The following TUSC3 variants were observed in gnomAD, a reference collection of about 807,000 sequenced individuals.
TUSC3 encodes the protein dolichyl-diphosphooligosaccharide--protein glycosyltransferase subunit TUSC3.
A neutral mutation model predicts 44.8 loss-of-function variants in TUSC3; 45 were observed. The observed-to-expected ratio is 1.00, with a 90% CI of 0.79 to 1.29. The LOEUF is 1.29. TUSC3 is among the 50% of genes most tolerant of loss of function. The probability of loss-of-function intolerance (pLI) is 0.00; values close to 1 mark genes in which losing one functional copy is unlikely to be tolerated. For synonymous variants in TUSC3, 212 were observed against 152.9 expected (o/e 1.39, Z -2.85); for missense variants, 519 against 437.9 (o/e 1.19, Z -1.65).
At chr8:15,470,374 C>A (rs1436304451) in intron 1 of TUSC3, among the ~76,000 whole-genome samples, 1 of 151,960 alleles carries the variant, frequency 6.6e-6, no homozygotes, top group African/African-American at 2.4e-5. Flanking sequence ...ATAGTGGATG[C>A]CTTCCTTATA....
At chr8:15,841,520 T>A in the TUSC3 span, among the ~76,000 whole-genome samples, 22 of 145,726 alleles carry the variant, frequency 1.5e-4, no homozygotes, top group African/African-American at 4.0e-4. Flanking sequence ...TGAGACAAAA[T>A]TTTTTTTTTT....
intron 6 of TUSC3, among the ~76,000 whole-genome samples, chr8:15,679,443 A>T (rs1311363742): frequency 6.6e-6 from 1 of 151,924 alleles, no homozygotes; most frequent in Non-Finnish European, 1.5e-5. Context: ...CCACTTTTTA[A>T]TGGGGTTATT....
chr8:15,775,530 GC>G, the TUSC3 span, among the ~76,000 whole-genome samples: 1 of 151,744 alleles, frequency 6.6e-6, no homozygotes, highest in African/African-American at 2.4e-5. Flanking sequence ...ACCTACTAAT[GC>G]TATTCAAGAA....
At position 15,670,790 on chromosome 8, in the gene TUSC3, A is replaced by T. The variant is rs183092789; in HGVS notation, c.709-2957A>T. Among the ~76,000 whole-genome samples the T allele has an allele frequency of 8.5e-4, 129 of 152,066 alleles. 1 individual carries two copies. Among genetic ancestry groups the T allele is most frequent in the African/African-American group, 3.0e-3 (126 of 41,548 alleles). ...TTGGTGAGGACTATTTGCCATGTGT[A>T]TATTTAACAAAGAACTGGTACCCAG... On this transcript the variant is annotated intron_variant, in intron 5 of 10. Transcript: ENST00000503731.
intron 1 of TUSC3, among the ~76,000 whole-genome samples, chr8:15,562,278 A>T (rs566239486): frequency 2.5e-4 from 38 of 152,214 alleles, no homozygotes; most frequent in African/African-American, 9.1e-4. Flanking sequence ...GGTATATAAG[A>T]TATCCTGTTC....
chr8:15,422,750 G>T (rs7843321), intron 1 of TUSC3, among the ~76,000 whole-genome samples: 1 of 151,472 alleles, frequency 6.6e-6, no homozygotes, highest in African/African-American at 2.4e-5. Context: ...TCCCCCAGGC[G>T]CCCCACCTCA....
chr8:15,829,533 A>G, the TUSC3 span, among the ~76,000 whole-genome samples: 3 of 150,596 alleles, frequency 2.0e-5, no homozygotes, highest in East Asian at 2.0e-4. Flanking sequence ...CCTTTGTGAT[A>G]TAAGTTGCAA....
chr8:15,758,629 G>C (rs921922663), intron 10 of TUSC3, among the ~76,000 whole-genome samples: 2 of 152,084 alleles, frequency 1.3e-5, no homozygotes, highest in African/African-American at 4.8e-5. Flanking sequence ...ACGTAGGGAA[G>C]GAATGGGAAG....
chr8:15,751,469 C>G (rs181283310), intron 9 of TUSC3, among the ~76,000 whole-genome samples: 235 of 152,222 alleles, frequency 1.5e-3, no homozygotes, highest in African/African-American at 5.6e-3. Flanking sequence ...CCTATATATA[C>G]TACCGGTTCT....
intron 5 of TUSC3, among the ~76,000 whole-genome samples, chr8:15,665,821 C>G (rs1007544472): frequency 2.0e-5 from 3 of 151,158 alleles, no homozygotes; most frequent in Admixed American, 6.6e-5. Context: ...TCTTCCTGGT[C>G]TCATGCTTTC....
intron 6 of TUSC3, among the ~76,000 whole-genome samples, chr8:15,692,093 T>G (rs1274048910): frequency 6.6e-6 from 1 of 152,170 alleles, no homozygotes; most frequent in African/African-American, 2.4e-5. Flanking sequence ...TGTGGTTTGT[T>G]TTATTAGTTC....
intron 9 of TUSC3, among the ~76,000 whole-genome samples, chr8:15,755,021 A>G (rs1263385708): frequency 7.9e-5 from 12 of 152,236 alleles, no homozygotes; most frequent in Non-Finnish European, 2.9e-5. Context: ...ATAAAAATCT[A>G]CTTTAAATAT....
intron 6 of TUSC3, among the ~76,000 whole-genome samples, chr8:15,720,574 A>G (rs1213986047): frequency 6.6e-6 from 1 of 152,110 alleles, no homozygotes; most frequent in African/African-American, 2.4e-5. Flanking sequence ...CTCTGATGTC[A>G]AAGATTTAGA....
chr8:15,459,613 G>A lies in TUSC3; in HGVS notation n.92-23773G>A, dbSNP rs556941196. On this transcript the variant is annotated intron_variant and non_coding_transcript_variant, in intron 1 of 5. Transcript: ENST00000503191. ...CCCTATTTGTAGTCTTTTTTTCCTC[G>A]CCACCCTCCCACCCTTCTCTGCGAG... 5.9e-5 allele frequency among the ~76,000 whole-genome samples: 9 copies of A among 151,474 alleles called. No homozygotes were observed. The South Asian group carries it at 8.3e-4, about 14-fold the overall frequency.
At chr8:15,551,510 A>G (rs1304200241) in intron 1 of TUSC3, among the ~76,000 whole-genome samples, 1 of 151,690 alleles carries the variant, frequency 6.6e-6, no homozygotes, top group East Asian at 1.9e-4. Context: ...GAGCTGTGTA[A>G]GTTCTTTTAT....
chr8:15,802,078 C>T, the TUSC3 span, among the ~76,000 whole-genome samples: 24 of 152,072 alleles, frequency 1.6e-4, no homozygotes, highest in Non-Finnish European at 2.2e-4. Flanking sequence ...TGCTGTTACA[C>T]GTGACTCTTG....
Position 15,596,322 on chromosome 8 carries a change from A to G in TUSC3, c.139-26758A>G, listed in dbSNP as rs1403063812. On this transcript the variant is annotated intron_variant, in intron 1 of 10. Transcript: ENST00000503731. ...AAAATTATTTGGAACTTCAGTTAAC[A>G]TGCCGTGTAAGAGTAGTACAGTACA... 2.0e-5 allele frequency among the ~76,000 whole-genome samples: 3 copies of G among 152,312 alleles called. No individual in the cohort carries two copies. The East Asian group carries it at 5.8e-4, about 29-fold the overall frequency.
intron 2 of TUSC3, among the ~76,000 whole-genome samples, chr8:15,646,483 T>G (rs1244129341): frequency 6.6e-6 from 1 of 152,136 alleles, no homozygotes; most frequent in African/African-American, 2.4e-5. Flanking sequence ...ATACAGAGTT[T>G]GAAGGCAAAT....
At chr8:15,775,062 C>A in the TUSC3 span, among the ~76,000 whole-genome samples, 1 of 152,078 alleles carries the variant, frequency 6.6e-6, no homozygotes, top group African/African-American at 2.4e-5. Context: ...GAAGACAACC[C>A]AGATGTTCAT....
Sources: gnomAD v4.1 joint callset for allele counts (sites outside exome capture counted in the v4.1 genomes callset) on GRCh38, gnomAD v4.1.1 for gene constraint, MANE v1.5 for transcripts, NCBI Gene and HGNC (gene_info 2026-07-23, HGNC 2026-07-21) for gene names.